TBC1D4: variants seen among roughly 807,000 people sequenced by gnomAD.
TBC1D4 encodes TBC (Tre-2, BUB2, CDC16) domain-containing protein.
A neutral mutation model predicts 142.5 loss-of-function variants in TBC1D4; 121 were observed. The ratio of observed to expected loss-of-function variants is 0.85; its 90% CI spans 0.73 to 0.99. The LOEUF (loss-of-function observed/expected upper bound fraction) is 0.99. Ranked by LOEUF, TBC1D4 falls within the 50% of genes least tolerant of loss-of-function variation. The probability of loss-of-function intolerance (pLI) is 0.00; values close to 1 mark genes in which losing one functional copy is unlikely to be tolerated. For missense variants in TBC1D4, 1,475 were observed against 1,606.6 expected, an observed-to-expected ratio of 0.92 and a Z score of 1.40; for synonymous variants, 630 against 628.2, an observed-to-expected ratio of 1.00 and a Z score of -0.04.
At chr13:75,335,004 C>T (rs949139722) in intron 8 of TBC1D4, among the ~76,000 whole-genome samples, 9 of 147,942 alleles carry the variant, frequency 6.1e-5, no homozygotes, top group African/African-American at 2.2e-4. Context: ...TGCACAGACA[C>T]TGTCCTCATC....
chr13:75,287,206 C>A lies in TBC1D4; in HGVS notation c.3664-181G>T, dbSNP rs140807224. ...CACAAAGATGTAACTATGGAACTACCATGCTTCATCTCTTCTCACTGAACA... is the reference window on the plus strand; with the variant it reads ...CACAAAGATGTAACTATGGAACTACAATGCTTCATCTCTTCTCACTGAACA... On this transcript the variant is annotated intron_variant, in intron 20 of 20. Transcript: ENST00000377636. Among the ~76,000 whole-genome samples, 1,062 of 152,212 alleles carry A rather than the reference C, an allele frequency of 7.0e-3. 9 individuals are homozygous for A. The highest frequency in any genetic ancestry group is 0.017 in the Middle Eastern group (5 of 294).
intron 1 of TBC1D4, among the ~76,000 whole-genome samples, chr13:75,445,230 T>C (rs1887225009): frequency 6.6e-6 from 1 of 152,242 alleles, no homozygotes. Flanking sequence ...TTAAATAATC[T>C]ATGTGTATAT....
Position 75,472,145 on chromosome 13 carries a change from G to A in TBC1D4, c.498+9125C>T, listed in dbSNP as rs544581152. 7.2e-4 allele frequency among the ~76,000 whole-genome samples: 104 copies of A among 145,450 alleles called. 1 individual carries two copies. Among genetic ancestry groups the A allele is most frequent in the Admixed American group, 2.0e-3 (29 of 14,644 alleles). ...AAAAAAAGAAAAGAAATATGGATGG[G>A]CCATTGCGGTGGCTCACGCCTGTAA... is the stretch of plus-strand genomic sequence containing the variant. On this transcript the variant is annotated intron_variant, in intron 1 of 20. Transcript: ENST00000377636.
chr13:75,406,904 A>G (rs1248400571), intron 1 of TBC1D4, among the ~76,000 whole-genome samples: 1 of 152,116 alleles, frequency 6.6e-6, no homozygotes, highest in Non-Finnish European at 1.5e-5. Context: ...TCTCTAGCAC[A>G]CTCATTCAGA....
chr13:75,482,102 T>G lies in TBC1D4; in HGVS notation c.-335A>C. On this transcript the variant is annotated 5_prime_UTR_variant, in exon 1 of 21. Coordinates refer to ENST00000377636, the MANE Select transcript of TBC1D4 (RefSeq NM_014832.5). The stretch of plus-strand genomic sequence containing the variant: ...CAGGGTCAGAGGACCACGCCGAGGG[T>G]CCCCGCGGCCGCCGGCTCCAGCGCT... 2 of 205,816 alleles carry G rather than the reference T, an allele frequency of 9.7e-6. No individual in the cohort carries two copies. Among genetic ancestry groups the G allele is most frequent in the Non-Finnish European group, 1.9e-5 (2 of 104,046 alleles). 12.7% of individuals were successfully genotyped at this position (205,816 alleles called of 1,614,324 possible).
chr13:75,384,134 A>C (rs1040641948), intron 1 of TBC1D4, among the ~76,000 whole-genome samples: 32 of 152,252 alleles, frequency 2.1e-4, no homozygotes, highest in African/African-American at 7.5e-4. Flanking sequence ...AAGAAAACTT[A>C]TCTCCAGGCC....
rs1468516170 is a variant in TBC1D4, at chr13:75,294,893, C to T, written c.3277G>A (p.Ala1093Thr). 6.2e-7 allele frequency: 1 copy of T among 1,613,882 alleles called. No homozygotes were observed. Among genetic ancestry groups the T allele is most frequent in the Non-Finnish European group, 8.5e-7 (1 of 1,179,872 alleles). ...YAAPWFLTLFASQFSLGFVAR... is the reference protein window; with the variant it reads ...YAAPWFLTLFTSQFSLGFVAR... ...ACAAATCCTAATGAAAACTGAGAGG[C>T]AAACAATGTGAGGAACCAGGGGGCA... Residue 1093 changes from alanine to threonine, a missense_variant, in exon 18 of 21, where the codon GCC becomes ACC. Ala to Thr is a moderately conservative substitution (Grantham distance 58, BLOSUM62 0). Coordinates refer to ENST00000377636, the MANE Select transcript of TBC1D4 (RefSeq NM_014832.5).
At chr13:75,377,737 A>G (rs1246850741) in intron 1 of TBC1D4, among the ~76,000 whole-genome samples, 1 of 149,660 alleles carries the variant, frequency 6.7e-6, no homozygotes, top group Non-Finnish European at 1.5e-5. Flanking sequence ...GGTCTTTATC[A>G]GTATGTGTGT....
intron 8 of TBC1D4, among the ~76,000 whole-genome samples, chr13:75,331,125 CAAGTA>C (rs1362262448): frequency 6.6e-6 from 1 of 152,104 alleles, no homozygotes. Context: ...CACATTTCAA[CAAGTA>C]AAGACAATGG....
intron 1 of TBC1D4, among the ~76,000 whole-genome samples, chr13:75,466,182 T>C (rs9573555): frequency 0.12 from 17,635 of 152,280 alleles, 1,184 homozygotes; most frequent in East Asian, 0.27. Context: ...TTCCACAGGG[T>C]CACACTTGCG....
At chr13:75,383,086 C>A (rs1283841823) in intron 1 of TBC1D4, among the ~76,000 whole-genome samples, 1 of 152,208 alleles carries the variant, frequency 6.6e-6, no homozygotes, top group East Asian at 1.9e-4. Flanking sequence ...TATCGGGAGG[C>A]AGAGGCAGGC....
chr13:75,358,746 C>T (rs1449858458), intron 3 of TBC1D4, among the ~76,000 whole-genome samples: 2 of 152,072 alleles, frequency 1.3e-5, no homozygotes, highest in African/African-American at 4.8e-5. Flanking sequence ...TGCCTGTGGT[C>T]CCAGCTACTG....
chr13:75,344,479 A>C (rs1447189949), intron 5 of TBC1D4, among the ~76,000 whole-genome samples: 3 of 152,080 alleles, frequency 2.0e-5, no homozygotes, highest in African/African-American at 7.2e-5. Context: ...AACTGGAATC[A>C]CTGACTGGCG....
chr13:75,419,548 T>TA (rs1303677910), intron 1 of TBC1D4, among the ~76,000 whole-genome samples: 1 of 152,190 alleles, frequency 6.6e-6, no homozygotes, highest in African/African-American at 2.4e-5. Flanking sequence ...GGGGGATAAA[T>TA]ACTCTTCTAA....
At chr13:75,437,999 A>G (rs1886869128) in intron 1 of TBC1D4, among the ~76,000 whole-genome samples, 1 of 152,206 alleles carries the variant, frequency 6.6e-6, no homozygotes, top group African/African-American at 2.4e-5. Context: ...AAAATACTCA[A>G]AAAGCTACAC....
Position 75,286,557 on chromosome 13 carries a change from TTA to T in TBC1D4, c.*233_*234del. 10 of 421,890 alleles carry T rather than the reference TTA, an allele frequency of 2.4e-5. No individual in the cohort carries two copies. Among genetic ancestry groups the T allele is most frequent in the South Asian group, 9.6e-5 (2 of 20,788 alleles). 26.1% of individuals were successfully genotyped at this position (421,890 alleles called of 1,614,324 possible). A position where few individuals can be genotyped will look rare whatever the true frequency, so the allele number is the denominator to read the frequency against. ...TCTGAAAGCATGAACTATGTTCATTTTATATATATATTTATATGTACATAGCA... is the reference window on the plus strand; with the variant it reads ...TCTGAAAGCATGAACTATGTTCATTTTATATATATTTATATGTACATAGCA... On this transcript the variant is annotated 3_prime_UTR_variant, in exon 21 of 21. Transcript: ENST00000377636.
At chr13:75,322,242 C>A (rs1878839794) in intron 11 of TBC1D4, among the ~76,000 whole-genome samples, 1 of 152,182 alleles carries the variant, frequency 6.6e-6, no homozygotes, top group Non-Finnish European at 1.5e-5. Context: ...CAAACAAGTA[C>A]TCTCTGATTT....
At chr13:75,340,183 G>C (rs146026798) in intron 7 of TBC1D4, among the ~76,000 whole-genome samples, 5 of 152,326 alleles carry the variant, frequency 3.3e-5, no homozygotes, top group African/African-American at 1.2e-4. Flanking sequence ...CTCATAGAAG[G>C]TTCTCAAGAA....
At chr13:75,349,696 C>T (rs1332309336) in intron 4 of TBC1D4, among the ~76,000 whole-genome samples, 2 of 152,196 alleles carry the variant, frequency 1.3e-5, no homozygotes, top group Admixed American at 1.3e-4. Context: ...ATAGGTCCAA[C>T]ATTCACTTTG....
Sources: allele counts gnomAD v4.1 joint callset (sites outside exome capture counted in the v4.1 genomes callset), GRCh38; gene constraint gnomAD v4.1.1; transcripts MANE v1.5; gene names NCBI Gene and HGNC (gene_info 2026-07-23, HGNC 2026-07-21).